The following GPALPP1 variants were observed in gnomAD, a reference collection of about 807,000 sequenced individuals.
GPALPP1 encodes the protein GPALPP motifs containing 1.
In GPALPP1, 30 loss-of-function variants were observed where a neutral mutation model predicts 38.9. The ratio of observed to expected loss-of-function variants is 0.77; its 90% CI spans 0.58 to 1.05. The LOEUF (loss-of-function observed/expected upper bound fraction) is 1.05, where lower values mean the gene tolerates loss of function less well. Among genes scored for constraint, GPALPP1 ranks in the 50% least tolerant of loss-of-function variants. GPALPP1 has a pLI of 0.00. For synonymous variants in GPALPP1, 120 were observed against 139.2 expected, an observed-to-expected ratio of 0.86 and a Z score of 0.97; for missense variants, 384 against 408.8, an observed-to-expected ratio of 0.94 and a Z score of 0.52.
chr13:44,992,262 T>A (rs962044381), intron 1 of GPALPP1, among the ~76,000 whole-genome samples: 4 of 152,208 alleles, frequency 2.6e-5, no homozygotes, highest in Non-Finnish European at 4.4e-5. Context: ...CCTTTTCATG[T>A]GTTATTTGAC....
chr13:45,015,650 T>G, intron 6 of GPALPP1, 54 bp downstream of exon 6: 1 of 1,220,338 alleles, frequency 8.2e-7, no homozygotes, highest in Non-Finnish European at 1.1e-6. Context: ...GGCTGGATTT[T>G]GAAAAGATAT....
intron 1 of GPALPP1, chr13:44,990,197 A>C: frequency 2.6e-6 from 1 of 378,168 alleles, no homozygotes; most frequent in South Asian, 1.2e-4. Context: ...AACCTTGCAG[A>C]TCCTGTTCTC....
At chr13:45,011,823 G>A (rs542629462) in intron 4 of GPALPP1, among the ~76,000 whole-genome samples, 2 of 152,160 alleles carry the variant, frequency 1.3e-5, no homozygotes, top group Middle Eastern at 6.8e-3. Context: ...CTAAGTACGA[G>A]GACTCCTTTC....
chr13:45,003,586 A>G (rs1478710143), intron 1 of GPALPP1, among the ~76,000 whole-genome samples: 2 of 152,186 alleles, frequency 1.3e-5, no homozygotes, highest in Non-Finnish European at 2.9e-5. Flanking sequence ...CAACCTGGAC[A>G]GTTGTGTCTG....
chr13:44,993,103 T>C (rs952866453), intron 1 of GPALPP1, among the ~76,000 whole-genome samples: 2 of 152,238 alleles, frequency 1.3e-5, no homozygotes, highest in African/African-American at 4.8e-5. Flanking sequence ...GCTTTACTTA[T>C]TGTAGCACGT....
At chr13:45,018,892 AATAT>A (rs1327005387) in intron 6 of GPALPP1, among the ~76,000 whole-genome samples, 16 of 136,208 alleles carry the variant, frequency 1.2e-4, no homozygotes, top group Non-Finnish European at 2.0e-4. Context: ...GATATATATA[AATAT>A]ATATACATAT....
chr13:45,005,100 T>C (rs1593390351), intron 2 of GPALPP1: 1 of 126,716 alleles, frequency 7.9e-6, no homozygotes, highest in Non-Finnish European at 1.7e-5. Context: ...TTTTTTTTTT[T>C]TTTTTTTTTT....
intron 7 of GPALPP1, 45 bp from the exon 8 acceptor site, chr13:45,027,740 A>G (rs1194141089): frequency 4.5e-6 from 4 of 883,914 alleles, no homozygotes; most frequent in South Asian, 1.5e-5. Flanking sequence ...TCAATAATCT[A>G]TATACAAACT....
At chr13:45,002,176 G>C (rs563924713) in intron 1 of GPALPP1, 3 of 152,658 alleles carry the variant, frequency 2.0e-5, no homozygotes, top group African/African-American at 7.2e-5. Context: ...CATGCCTGTA[G>C]TCCCAGGTAC....
intron 6 of GPALPP1, 36 bp from the exon 7 acceptor site, chr13:45,020,294 T>G: frequency 1.3e-6 from 1 of 782,496 alleles, no homozygotes. Context: ...CTTAATCTTA[T>G]GATTCAGTAA....
rs201772646 is a variant in GPALPP1, at chr13:44,989,626, A to G, written c.-29A>G. On this transcript the variant is annotated 5_prime_UTR_variant, in exon 1 of 8. Coordinates refer to ENST00000379151, the MANE Select transcript of GPALPP1 (RefSeq NM_018559.5). ...AGGGTTGACGTTCGTGGATAGACTC[A>G]TATCTGTGACCAGTGTCCGCCACCG... 4 of 1,592,218 alleles carry G rather than the reference A, an allele frequency of 2.5e-6. No homozygotes were observed. The highest frequency in any genetic ancestry group is 1.3e-5 in the African/African-American group (1 of 74,582).
intron 2 of GPALPP1, 99 bp downstream of exon 2, chr13:45,004,536 A>G: frequency 2.7e-6 from 2 of 731,222 alleles, no homozygotes; most frequent in Non-Finnish European, 4.6e-6. Flanking sequence ...ATTTCCATTT[A>G]TACAGCACAG....
chr13:45,021,828 AG>A (rs1480658630), intron 7 of GPALPP1, among the ~76,000 whole-genome samples: 1 of 152,226 alleles, frequency 6.6e-6, no homozygotes. Flanking sequence ...ATGTAAGAAA[AG>A]ACCAATGGCT....
chr13:45,028,115 A>C lies in GPALPP1; in HGVS notation c.*112A>C, dbSNP rs1215732925. 1.2e-5 allele frequency: 6 copies of C among 501,184 alleles called. No homozygotes were observed. The highest frequency in any genetic ancestry group is 3.8e-5 in the Admixed American group (1 of 26,474). The allele number at this position is 501,184 out of a possible 1,614,324, so 31.0% of individuals were successfully genotyped here. ...ATCTATTTCCTTTTATAATAGATTA[A>C]AAATTTTATATTTTTATAAGTAAAC... is the stretch of plus-strand genomic sequence containing the variant. On this transcript the variant is annotated 3_prime_UTR_variant, in exon 8 of 8. Transcript: ENST00000379151.
chr13:45,010,095 C>T (rs1874368158), intron 4 of GPALPP1, among the ~76,000 whole-genome samples: 1 of 152,122 alleles, frequency 6.6e-6, no homozygotes, highest in South Asian at 2.1e-4. Flanking sequence ...CTTTTAGGGC[C>T]CTATACAGTC....
At chr13:45,003,585 C>G (rs1474988963) in intron 1 of GPALPP1, among the ~76,000 whole-genome samples, 2 of 152,166 alleles carry the variant, frequency 1.3e-5, no homozygotes, top group Non-Finnish European at 2.9e-5. Flanking sequence ...TCAACCTGGA[C>G]AGTTGTGTCT....
intron 4 of GPALPP1, among the ~76,000 whole-genome samples, chr13:45,011,068 CAGCAAAGAA>C (rs58897282): frequency 0.057 from 8,686 of 152,182 alleles, 381 homozygotes; most frequent in African/African-American, 0.12. Context: ...GGAGCTAGTT[CAGCAAAGAA>C]GGCAAGGAAC....
rs1411919390 is a variant in GPALPP1, at chr13:45,008,845, A to AAATCATTACATT, written c.376_377insTCATTACATTAA (p.Lys125_Ser126insIleIleThrLeu). The AAATCATTACATT allele has an allele frequency of 2.5e-6, 4 of 1,601,090 alleles. No individual in the cohort carries two copies. The Middle Eastern group carries it at 5.0e-4, about 199-fold the overall frequency. On this transcript the variant is annotated inframe_insertion, in exon 4 of 8. Transcript: ENST00000379151. ...CCTGGTTTCATTAAATCTACACAGA[A>AAATCATTACATT]AAGTGACAAGGGCAGAGATGATCCA...
In GPALPP1 at chr13:45,001,206, C is replaced by G. The variant is rs186446072; in HGVS notation, c.89-3099C>G. On this transcript the variant is annotated intron_variant, in intron 1 of 7. Transcript: ENST00000379151. Reference sequence around the variant, plus strand: ...TTATAAGGGGCTTCTCCCCCTTTCTCTCTGCACTTCTCCTTCCTCCTGCCA... The same window carrying G: ...TTATAAGGGGCTTCTCCCCCTTTCTGTCTGCACTTCTCCTTCCTCCTGCCA... Among the ~76,000 whole-genome samples the G allele has an allele frequency of 4.5e-3, 685 of 152,268 alleles. 1 individual carries two copies. The highest frequency in any genetic ancestry group is 7.4e-3 in the Non-Finnish European group (500 of 68,016).
Sources: allele counts gnomAD v4.1 joint callset (sites outside exome capture counted in the v4.1 genomes callset), GRCh38; gene constraint gnomAD v4.1.1; transcripts MANE v1.5; gene names NCBI Gene and HGNC (gene_info 2026-07-23, HGNC 2026-07-21).